CKAP5: variants seen among roughly 807,000 people sequenced by gnomAD.
CKAP5 encodes cytoskeleton-associated protein 5.
CKAP5 carries 27 observed loss-of-function variants against 232.8 expected under a neutral mutation model. The observed-to-expected ratio is 0.12, with a 90% CI of 0.09 to 0.16. CKAP5 has a LOEUF of 0.16. Ranked by LOEUF, CKAP5 falls within the 10% of genes least tolerant of loss-of-function variation. The pLI is 1.00. For synonymous variants in CKAP5, 785 were observed against 841.1 expected (o/e 0.93, Z 1.16); for missense variants, 1,838 against 2,424.7 (o/e 0.76, Z 5.08).
intron 23 of CKAP5, among the ~76,000 whole-genome samples, chr11:46,776,744 G>A (rs2065294346): frequency 6.6e-6 from 1 of 152,084 alleles, no homozygotes; most frequent in Non-Finnish European, 1.5e-5. Flanking sequence ...AAATGTTAAA[G>A]ACATCATAAT....
At chr11:46,768,359 T>G (rs531136745) in intron 26 of CKAP5, among the ~76,000 whole-genome samples, 27 of 148,796 alleles carry the variant, frequency 1.8e-4, no homozygotes, top group African/African-American at 6.9e-4. Flanking sequence ...CCCAACTAAT[T>G]AAAACAACTT....
chr11:46,753,512 TTG>T lies in CKAP5; in HGVS notation c.4870-17_4870-16del, dbSNP rs1222525676. On this transcript the variant is annotated splice_polypyrimidine_tract_variant and intron_variant, in intron 36 of 43. Coordinates refer to ENST00000529230, the MANE Select transcript of CKAP5 (RefSeq NM_001008938.4). The stretch of plus-strand genomic sequence containing the variant: ...ATCTGAAACAGCTATCCAGACATAC[TTG>T]TGTCAGGGAGGTGTAAAACTCAATA... 6.3e-7 allele frequency: 1 copy of T among 1,588,976 alleles called. No homozygotes were observed. Among genetic ancestry groups the T allele is most frequent in the East Asian group, 2.3e-5 (1 of 44,258 alleles).
At chr11:46,770,706 G>A in intron 25 of CKAP5, 82 bp downstream of exon 25, 1 of 1,315,010 alleles carries the variant, frequency 7.6e-7, no homozygotes, top group Non-Finnish European at 1.1e-6. Flanking sequence ...TGGGATTACA[G>A]GCGTGAGCCA....
At chr11:46,821,093 C>T in intron 2 of CKAP5, 82 bp downstream of exon 2, 1 of 905,030 alleles carries the variant, frequency 1.1e-6, no homozygotes, top group South Asian at 1.7e-5. Context: ...AATGTTTTCA[C>T]ACACTTCTAA....
At chr11:46,789,729 G>T (rs982253067) in intron 15 of CKAP5, among the ~76,000 whole-genome samples, 6 of 152,114 alleles carry the variant, frequency 3.9e-5, no homozygotes, top group Admixed American at 3.9e-4. Context: ...CCAGCAGGTG[G>T]AGCTTGCAGT....
chr11:46,809,687 G>T, intron 6 of CKAP5, 55 bp downstream of exon 6: 3 of 1,597,734 alleles, frequency 1.9e-6, no homozygotes, highest in South Asian at 1.1e-5. Context: ...AGATTCTCAT[G>T]GCAGTGCCAG....
At chr11:46,772,956 G>T (rs1160443555) in intron 24 of CKAP5, among the ~76,000 whole-genome samples, 1 of 152,050 alleles carries the variant, frequency 6.6e-6, no homozygotes, top group Admixed American at 6.6e-5. Context: ...TTGCCAGGAT[G>T]GTCTCGATCT....
chr11:46,818,410 C>T lies in CKAP5; in HGVS notation c.151G>A (p.Gly51Arg). 2 of 1,611,682 alleles carry T rather than the reference C, an allele frequency of 1.2e-6. No homozygotes were observed. Among genetic ancestry groups the T allele is most frequent in the Non-Finnish European group, 1.7e-6 (2 of 1,179,072 alleles). The change falls in exon 3 of 44, where the codon GGA becomes AGA. Residue 51 changes from glycine to arginine, a missense_variant. Transcript: ENST00000529230. ...EKSPEWSKFLGLIKKFVTDSN... is the reference protein window; with the variant it reads ...EKSPEWSKFLRLIKKFVTDSN... The stretch of plus-strand genomic sequence containing the variant: ...TCAGTGACAAATTTTTTGATCAATC[C>T]TAAAAATTTGGACCACTCTGGGCTC...
chr11:46,818,556 C>A, intron 2 of CKAP5, 53 bp from the exon 3 acceptor site: 3 of 1,266,990 alleles, frequency 2.4e-6, no homozygotes, highest in Non-Finnish European at 3.2e-6. Flanking sequence ...ATATTATCAT[C>A]TACTATTAAT....
intron 1 of CKAP5, among the ~76,000 whole-genome samples, chr11:46,844,823 GTA>G (rs1491167204): frequency 2.6e-5 from 4 of 151,442 alleles, no homozygotes; most frequent in Non-Finnish European, 5.9e-5. Flanking sequence ...TGTATTTTTA[GTA>G]GAGAGAGAGA....
chr11:46,795,053 G>A (rs1021298748), intron 13 of CKAP5, among the ~76,000 whole-genome samples: 1 of 152,074 alleles, frequency 6.6e-6, no homozygotes, highest in African/African-American at 2.4e-5. Context: ...GACAGACCAG[G>A]CACGGTGGCT....
At chr11:46,802,553 G>GAGACAC (rs1555165924) in intron 8 of CKAP5, among the ~76,000 whole-genome samples, 55 of 142,554 alleles carry the variant, frequency 3.9e-4, no homozygotes, top group African/African-American at 1.4e-3. Context: ...CAGACAGACA[G>GAGACAC]ACAGACACAC....
chr11:46,791,318 C>T (rs983282892), intron 13 of CKAP5, among the ~76,000 whole-genome samples: 2 of 151,178 alleles, frequency 1.3e-5, no homozygotes, highest in East Asian at 2.0e-4. Flanking sequence ...GGCCTGATCA[C>T]GGCTCACTAT....
intron 1 of CKAP5, among the ~76,000 whole-genome samples, chr11:46,843,006 G>C (rs1003307866): frequency 4.0e-5 from 6 of 150,418 alleles, no homozygotes; most frequent in Non-Finnish European, 5.9e-5. Context: ...TAAGGTAGCA[G>C]GGTGTGGTGG....
At chr11:46,748,568 A>C (rs1385697286) in intron 42 of CKAP5, among the ~76,000 whole-genome samples, 1 of 151,926 alleles carries the variant, frequency 6.6e-6, no homozygotes, top group East Asian at 2.0e-4. Flanking sequence ...AGGTCAGGAG[A>C]TCAAGACCAG....
intron 26 of CKAP5, among the ~76,000 whole-genome samples, chr11:46,768,115 A>G (rs573235373): frequency 6.6e-6 from 1 of 152,098 alleles, no homozygotes; most frequent in Admixed American, 6.6e-5. Flanking sequence ...TTTTCCTAAT[A>G]ATTTTTCTCC....
Position 46,824,788 on chromosome 11 carries a change from C to G in CKAP5, c.-37-3520G>C, listed in dbSNP as rs536834298. On this transcript the variant is annotated intron_variant, in intron 1 of 43. Transcript: ENST00000529230. ...GGATTTTATAAACAGATATAAGAAC[C>G]AAGTTTTTGCTACACAGTAGAGTTT... Among the ~76,000 whole-genome samples, 12 of 152,148 alleles carry G rather than the reference C, an allele frequency of 7.9e-5. No individual in the cohort carries two copies. The South Asian group carries it at 2.1e-3, about 26-fold the overall frequency.
At chr11:46,786,023 A>G (rs2065389734) in intron 16 of CKAP5, among the ~76,000 whole-genome samples, 1 of 152,198 alleles carries the variant, frequency 6.6e-6, no homozygotes, top group South Asian at 2.1e-4. Context: ...TCCCAAACCA[A>G]AAAACAAACC....
At chr11:46,755,482 C>T (rs748215806) in intron 35 of CKAP5, among the ~76,000 whole-genome samples, 56 of 151,852 alleles carry the variant, frequency 3.7e-4, no homozygotes, top group Non-Finnish European at 4.3e-4. Context: ...GCTGGGATTA[C>T]AGGCGTGAGC....
Sources: gnomAD v4.1 joint callset for allele counts (sites outside exome capture counted in the v4.1 genomes callset) on GRCh38, gnomAD v4.1.1 for gene constraint, MANE v1.5 for transcripts, NCBI Gene and HGNC (gene_info 2026-07-23, HGNC 2026-07-21) for gene names.